ADCY10: variants seen among roughly 807,000 people sequenced by gnomAD.
ADCY10 encodes the protein adenylate cyclase 10.
A neutral mutation model predicts 183.3 loss-of-function variants in ADCY10; 156 were observed. The observed-to-expected ratio is 0.85, with a 90% CI of 0.75 to 0.97. The LOEUF (loss-of-function observed/expected upper bound fraction) is 0.97, where lower values mean the gene tolerates loss of function less well. Among genes scored for constraint, ADCY10 ranks in the 50% least tolerant of loss-of-function variants. The probability of loss-of-function intolerance (pLI) is 0.00; values close to 1 mark genes in which losing one functional copy is unlikely to be tolerated. For synonymous variants in ADCY10, 645 were observed against 670.0 expected, an observed-to-expected ratio of 0.96 and a Z score of 0.58; for missense variants, 1,745 against 1,934.3, an observed-to-expected ratio of 0.90 and a Z score of 1.84.
At chr1:167,881,505 C>T (rs938438766) in intron 9 of ADCY10, among the ~76,000 whole-genome samples, 1 of 152,208 alleles carries the variant, frequency 6.6e-6, no homozygotes, top group Non-Finnish European at 1.5e-5. Context: ...CTTCTAGGTA[C>T]GTGCAAAGAG....
intron 26 of ADCY10, among the ~76,000 whole-genome samples, chr1:167,827,418 G>A (rs1381491385): frequency 2.0e-5 from 3 of 148,414 alleles, no homozygotes; most frequent in East Asian, 2.0e-4. Flanking sequence ...CGCCCACCTC[G>A]GCCTCCCAAA....
intron 18 of ADCY10, among the ~76,000 whole-genome samples, chr1:167,850,412 G>A (rs866996667): frequency 2.0e-5 from 3 of 152,132 alleles, no homozygotes; most frequent in Admixed American, 1.3e-4. Context: ...GGAATTAAGG[G>A]TGAGGTTAGG....
intron 21 of ADCY10, 170 bp downstream of exon 21, chr1:167,845,392 TC>T: frequency 1.5e-6 from 1 of 679,390 alleles, no homozygotes; most frequent in African/African-American, 1.8e-5. Flanking sequence ...ACAGGTACAT[TC>T]CCTTACTTTT....
intron 1 of ADCY10, among the ~76,000 whole-genome samples, chr1:167,912,613 TCCCTCTCTCGGCTTTGGAGCCC>T (rs1557844489): frequency 6.6e-6 from 1 of 152,224 alleles, no homozygotes; most frequent in Non-Finnish European, 1.5e-5. Context: ...CACTGGGGGT[TCCCTCTCTCGGCTTTGGAGCCC>T]CCCTCCCTCT....
At position 167,880,181 on chromosome 1, in the gene ADCY10, T is replaced by C; in HGVS notation, c.1150A>G (p.Ile384Val). 1.9e-6 allele frequency: 3 copies of C among 1,612,876 alleles called. No homozygotes were observed. Among genetic ancestry groups the C allele is most frequent in the South Asian group, 1.1e-5 (1 of 90,614 alleles). The change falls in exon 11 of 33, where the codon ATC (isoleucine) becomes GTC (valine). Residue 384 changes from isoleucine (I) to valine (V), a missense_variant. By Grantham distance (29) the Ile-to-Val change is conservative. Coordinates refer to ENST00000367851, the MANE Select transcript of ADCY10 (RefSeq NM_018417.6). ...SQVHKIQTVS[I>V]GVASGIVFCG... ...AAGACAATCCCACTGGCAACACCGA[T>C]GGATACAGTTCTGGTGCAGGGGAGA...
intron 8 of ADCY10, among the ~76,000 whole-genome samples, chr1:167,887,767 T>C (rs1320859311): frequency 1.3e-5 from 2 of 151,266 alleles, no homozygotes; most frequent in South Asian, 2.1e-4. Context: ...TTTTATCTGA[T>C]AAAATAATTC....
chr1:167,833,720 G>A (rs1246257174), intron 24 of ADCY10, among the ~76,000 whole-genome samples: 1 of 149,774 alleles, frequency 6.7e-6, no homozygotes, highest in Non-Finnish European at 1.5e-5. Context: ...ATTCCAGGCT[G>A]GGCAACACAG....
At chr1:167,900,305 G>A (rs1669308298) in intron 5 of ADCY10, among the ~76,000 whole-genome samples, 1 of 152,076 alleles carries the variant, frequency 6.6e-6, no homozygotes, top group African/African-American at 2.4e-5. Context: ...ACTCCCCCCT[G>A]ATTCTACATA....
rs554349228 is a variant in ADCY10 at position 167,825,494 on chromosome 1, A to G, written c.3751-639T>C. Among the ~76,000 whole-genome samples the G allele has an allele frequency of 7.9e-5, 12 of 152,246 alleles. 1 individual carries two copies. The South Asian group carries it at 1.9e-3, about 24-fold the overall frequency. ...AGTGAGACCCTGTTTCAACAACAAC[A>G]AAAACTAGCCAGGCATGGTGGCATA... is the stretch of plus-strand genomic sequence containing the variant. On this transcript the variant is annotated intron_variant, in intron 26 of 32. Coordinates refer to ENST00000367851, the MANE Select transcript of ADCY10 (RefSeq NM_018417.6).
chr1:167,884,584 CT>C (rs1294516159), intron 8 of ADCY10, among the ~76,000 whole-genome samples: 2 of 152,144 alleles, frequency 1.3e-5, no homozygotes, highest in Admixed American at 1.3e-4. Context: ...CATTCTTTCT[CT>C]TTTTTTGTAC....
At chr1:167,900,759 T>A (rs570164345) in intron 5 of ADCY10, among the ~76,000 whole-genome samples, 1 of 152,336 alleles carries the variant, frequency 6.6e-6, no homozygotes, top group African/African-American at 2.4e-5. Flanking sequence ...CTCAAACTCC[T>A]GACCTCAGGT....
chr1:167,825,143 T>C (rs1295441774), intron 26 of ADCY10, among the ~76,000 whole-genome samples: 1 of 152,222 alleles, frequency 6.6e-6, no homozygotes, highest in African/African-American at 2.4e-5. Context: ...ATTAGATGTA[T>C]AATTGCAGAG....
rs754251828 is a variant in ADCY10 at position 167,893,919 on chromosome 1, C to T, written c.762G>A (p.Thr254=). 1.9e-6 allele frequency: 3 copies of T among 1,613,398 alleles called. No homozygotes were observed. Among genetic ancestry groups the T allele is most frequent in the Non-Finnish European group, 2.5e-6 (3 of 1,179,576 alleles). The change falls in exon 8 of 33, where the codon ACG becomes ACA. Residue 254 remains threonine, a synonymous_variant. Transcript: ENST00000367851. The part of the protein sequence containing the change: ...EHKNLLRLAC[T]LKPDPELEMS... ...TCTCCAGTTCAGGATCAGGCTTCAG[C>T]GTGCATGCAAGCCTCAGGAGGTCTA...
intron 30 of ADCY10, among the ~76,000 whole-genome samples, chr1:167,819,296 G>A (rs1292892020): frequency 1.4e-5 from 2 of 146,690 alleles, no homozygotes; most frequent in African/African-American, 5.0e-5. Context: ...TGTTGACCAG[G>A]CTGGAGTACA....
At chr1:167,890,236 G>T (rs1385772872) in intron 8 of ADCY10, among the ~76,000 whole-genome samples, 1 of 152,186 alleles carries the variant, frequency 6.6e-6, no homozygotes, top group Non-Finnish European at 1.5e-5. Flanking sequence ...AAACTTGGGT[G>T]TTGTGATCTA....
chr1:167,837,756 T>A (rs1664332792), intron 21 of ADCY10, among the ~76,000 whole-genome samples: 1 of 152,200 alleles, frequency 6.6e-6, no homozygotes, highest in African/African-American at 2.4e-5. Flanking sequence ...CTAATAACAT[T>A]ATCCTAACTC....
At chr1:167,822,881 T>A (rs1380174139) in intron 29 of ADCY10, 127 bp downstream of exon 29, 1 of 811,472 alleles carries the variant, frequency 1.2e-6, no homozygotes, top group Non-Finnish European at 2.1e-6. Flanking sequence ...CCTCTCTCCA[T>A]CCCTGCCCTG....
In ADCY10 at chr1:167,853,830, CTTTTTTTTT is replaced by C. The variant is rs538462140; in HGVS notation, c.2308+514_2308+522del. Among the ~76,000 whole-genome samples, 35 of 77,190 alleles carry C rather than the reference CTTTTTTTTT, an allele frequency of 4.5e-4. 1 individual carries two copies. The highest frequency in any genetic ancestry group is 7.6e-4 in the East Asian group (2 of 2,628). 50.6% of individuals were successfully genotyped at this position (77,190 alleles called of 152,430 possible). On this transcript the variant is annotated intron_variant, in intron 18 of 32. Coordinates refer to ENST00000367851, the MANE Select transcript of ADCY10 (RefSeq NM_018417.6). ...TGTTCTTTCATTTCTACTATAGTTA[CTTTTTTTTT>C]TTTTTTTTTTTTTTTTTGAGACAGA...
At chr1:167,856,522 A>G in intron 16 of ADCY10, 83 bp from the exon 17 acceptor site, 1 of 1,401,032 alleles carries the variant, frequency 7.1e-7, no homozygotes, top group Non-Finnish European at 1.0e-6. Flanking sequence ...ATATGTATCC[A>G]TTGAGCTTCC....
Sources: allele counts gnomAD v4.1 joint callset (sites outside exome capture counted in the v4.1 genomes callset), GRCh38; gene constraint gnomAD v4.1.1; transcripts MANE v1.5; gene names NCBI Gene and HGNC (gene_info 2026-07-23, HGNC 2026-07-21).